The following DARS2 variants were observed in gnomAD, a reference collection of about 807,000 sequenced individuals.
The protein encoded by DARS2 is aspartate--tRNA ligase, mitochondrial.
Under a neutral mutation model 83.0 loss-of-function variants are expected in DARS2, and 63 were observed. The observed-to-expected ratio is 0.76, with a 90% CI of 0.62 to 0.94. The LOEUF is 0.94. Ranked by LOEUF, DARS2 falls within the 40% of genes least tolerant of loss-of-function variation. DARS2 has a pLI of 0.00. For missense variants in DARS2, 675 were observed against 774.4 expected (o/e 0.87, Z 1.52); for synonymous variants, 250 against 269.3 (o/e 0.93, Z 0.70).
At chr1:173,827,223 C>T (rs564855872) in intron 2 of DARS2, among the ~76,000 whole-genome samples, 1 of 152,278 alleles carries the variant, frequency 6.6e-6, no homozygotes, top group South Asian at 2.1e-4. Flanking sequence ...AACAGTGATT[C>T]CTTAAGATCA....
At chr1:173,832,732 G>GCA (rs1652839703) in intron 5 of DARS2, among the ~76,000 whole-genome samples, 1 of 143,768 alleles carries the variant, frequency 7.0e-6, no homozygotes, top group South Asian at 2.2e-4. Flanking sequence ...TCATGCCACT[G>GCA]CACTCCAGCC....
chr1:173,856,491 A>G (rs1653864961), intron 15 of DARS2, among the ~76,000 whole-genome samples, 175 bp from the exon 16 acceptor site: 1 of 152,192 alleles, frequency 6.6e-6, no homozygotes, highest in Non-Finnish European at 1.5e-5. Flanking sequence ...CTAACCTGCA[A>G]ATCACTTAAG....
At chr1:173,849,669 G>A (rs544468179) in intron 12 of DARS2, among the ~76,000 whole-genome samples, 2 of 152,188 alleles carry the variant, frequency 1.3e-5, no homozygotes, top group East Asian at 1.9e-4. Flanking sequence ...ATTCTGCAGG[G>A]TAAAATCAGT....
intron 14 of DARS2, 50 bp downstream of exon 14, chr1:173,853,617 A>G (rs566087304): frequency 6.2e-7 from 1 of 1,603,790 alleles, no homozygotes; most frequent in African/African-American, 1.3e-5. Flanking sequence ...TATAAAGGCA[A>G]AGAACTTCAG....
intron 6 of DARS2, 21 bp downstream of exon 6, chr1:173,833,520 C>T (rs765309389): frequency 6.2e-7 from 1 of 1,613,934 alleles, no homozygotes; most frequent in Non-Finnish European, 8.5e-7. Flanking sequence ...TGCCTGGATG[C>T]TCTTTGGAGC....
intron 12 of DARS2, 64 bp from the exon 13 acceptor site, chr1:173,850,263 G>C (rs542976087): frequency 6.8e-7 from 1 of 1,468,384 alleles, no homozygotes; most frequent in Non-Finnish European, 9.1e-7. Flanking sequence ...ATTATAAGAA[G>C]ATAAATTAAT....
At chr1:173,851,028 A>G (rs1005413091) in intron 13 of DARS2, among the ~76,000 whole-genome samples, 1 of 151,926 alleles carries the variant, frequency 6.6e-6, no homozygotes, top group South Asian at 2.1e-4. Flanking sequence ...GCCTGAGGTC[A>G]GGAGTTTGAG....
chr1:173,845,612 C>G, intron 12 of DARS2, among the ~76,000 whole-genome samples: 1 of 152,104 alleles, frequency 6.6e-6, no homozygotes, highest in East Asian at 1.9e-4. Flanking sequence ...ACCCCTAGTC[C>G]CAGCTACTTA....
chr1:173,829,204 A>T (rs1652701187), intron 3 of DARS2, among the ~76,000 whole-genome samples: 3 of 148,344 alleles, frequency 2.0e-5, no homozygotes, highest in Admixed American at 6.8e-5. Flanking sequence ...ATATACATTC[A>T]GTGTGTGTGT....
Position 173,856,649 on chromosome 1 carries a change from T to TATC in DARS2, c.1675-16_1675-14dup. The stretch of plus-strand genomic sequence containing the variant: ...CCTTCAAAATATATTTAAACTGAAT[T>TATC]ATCTTTTGAATTTCAGGAGGATGTG... On this transcript the variant is annotated splice_polypyrimidine_tract_variant and intron_variant, in intron 15 of 16. Transcript: ENST00000649689. 1 of 1,612,284 alleles carries TATC rather than the reference T, an allele frequency of 6.2e-7. No homozygotes were observed. The highest frequency in any genetic ancestry group is 8.5e-7 in the Non-Finnish European group (1 of 1,178,414).
At chr1:173,855,444 C>T (rs892124571) in intron 15 of DARS2, among the ~76,000 whole-genome samples, 1 of 151,926 alleles carries the variant, frequency 6.6e-6, no homozygotes, top group Non-Finnish European at 1.5e-5. Flanking sequence ...AGCCTCCAAT[C>T]ACCCATTGGG....
chr1:173,856,639 T>C, intron 15 of DARS2, 27 bp from the exon 16 acceptor site: 1 of 1,609,126 alleles, frequency 6.2e-7, no homozygotes, highest in Non-Finnish European at 8.5e-7. Flanking sequence ...AAAATATATT[T>C]AAACTGAATT....
chr1:173,855,105 CTT>C (rs11367999), intron 15 of DARS2, among the ~76,000 whole-genome samples: 42 of 142,824 alleles, frequency 2.9e-4, no homozygotes, highest in Admixed American at 8.4e-4. Context: ...AATCTGTTAA[CTT>C]TTTTTTTTTT....
At chr1:173,838,968 C>T (rs1313203891) in intron 9 of DARS2, among the ~76,000 whole-genome samples, 1 of 152,126 alleles carries the variant, frequency 6.6e-6, no homozygotes, top group African/African-American at 2.4e-5. Flanking sequence ...ATCTCCTGAC[C>T]TCGTGATCCA....
chr1:173,853,939 T>G, intron 15 of DARS2, 34 bp downstream of exon 15: 1 of 1,540,752 alleles, frequency 6.5e-7, no homozygotes, highest in Non-Finnish European at 9.0e-7. Context: ...TGGGCTTATT[T>G]TTTTACCAGA....
At chr1:173,831,700 G>GT (rs1652803277) in intron 5 of DARS2, 70 bp downstream of exon 5, 2 of 1,242,986 alleles carry the variant, frequency 1.6e-6, no homozygotes, top group Non-Finnish European at 1.2e-6. Context: ...TATTTTCAGA[G>GT]TTTTTTAAAG....
rs769382437 is a variant in DARS2 at position 173,831,561 on chromosome 1, C to G, written c.423C>G (p.Ile141Met). 1 of 1,614,022 alleles carries G rather than the reference C, an allele frequency of 6.2e-7. No homozygotes were observed. The highest frequency in any genetic ancestry group is 8.5e-7 in the Non-Finnish European group (1 of 1,179,946). ...NPKMPTGEIE[I>M]KVKTAELLNA... is the part of the protein sequence containing the mutation. ...AAATGCCAACAGGTGAGATTGAAAT[C>G]AAAGTTAAAACAGCTGAGCTTCTGA... Residue 141 changes from isoleucine to methionine, a missense_variant, in exon 5 of 17, where the codon ATC becomes ATG. Transcript: ENST00000649689.
intron 13 of DARS2, chr1:173,852,474 G>A (rs925285733): frequency 6.4e-6 from 1 of 155,368 alleles, no homozygotes; most frequent in African/African-American, 2.4e-5. Flanking sequence ...CATGAAGTTG[G>A]GTTCCAAAAT....
chr1:173,836,048 C>G (rs1378992394), intron 7 of DARS2, among the ~76,000 whole-genome samples: 1 of 150,594 alleles, frequency 6.6e-6, no homozygotes, highest in Non-Finnish European at 1.5e-5. Context: ...CAGAGCAAGA[C>G]TCCGTCTCAA....
Sources: gnomAD v4.1 joint callset for allele counts (sites outside exome capture counted in the v4.1 genomes callset) on GRCh38, gnomAD v4.1.1 for gene constraint, MANE v1.5 for transcripts, NCBI Gene and HGNC (gene_info 2026-07-23, HGNC 2026-07-21) for gene names.